PAM: variants seen among roughly 807,000 people sequenced by gnomAD.
PAM encodes peptidyl-glycine alpha-amidating monooxygenase.
In PAM, 72 loss-of-function variants were observed where a neutral mutation model predicts 122.1. That is an observed-to-expected ratio of 0.59 (90% confidence interval 0.49 to 0.72). The LOEUF is 0.72. Among genes scored for constraint, PAM ranks in the 30% least tolerant of loss-of-function variants. PAM has a pLI of 0.00. For missense variants in PAM, 1,106 were observed against 1,183.7 expected (o/e 0.93, Z 0.96); for synonymous variants, 389 against 404.4 (o/e 0.96, Z 0.46).
chr5:102,994,007 A>G (rs909221534), intron 16 of PAM, among the ~76,000 whole-genome samples: 5 of 152,102 alleles, frequency 3.3e-5, no homozygotes, highest in African/African-American at 1.2e-4. Flanking sequence ...ATCTGAAGCA[A>G]TGGGCTGACA....
chr5:102,806,608 G>C (rs1164516353), intron 1 of PAM, among the ~76,000 whole-genome samples: 2 of 152,076 alleles, frequency 1.3e-5, no homozygotes, highest in African/African-American at 2.4e-5. Flanking sequence ...CACACACACA[G>C]AGTTTTGTAC....
chr5:102,759,700 G>C (rs1480917926), intron 1 of PAM, among the ~76,000 whole-genome samples: 1 of 152,154 alleles, frequency 6.6e-6, no homozygotes, highest in Non-Finnish European at 1.5e-5. Context: ...AAGAAACTGA[G>C]AGGAGTTTAA....
Position 103,007,602 on chromosome 5 carries a change from A to G in PAM, c.2160A>G (p.Arg720=), listed in dbSNP as rs893395340. The G allele has an allele frequency of 6.2e-7, 1 of 1,613,582 alleles. No individual in the cohort carries two copies. Among genetic ancestry groups the G allele is most frequent in the Admixed American group, 1.7e-5 (1 of 60,004 alleles). ...CFKTDTKEFV[R]EIKHSSFGRN... is the part of the protein sequence containing the mutation. ...AAACTGACACCAAAGAATTTGTGAG[A>G]GAGATTAAGCATTCATCATTTGGAA... The change falls in exon 20 of 26, where the codon AGA becomes AGG. Residue 720 remains arginine (R), a synonymous_variant. Transcript: ENST00000438793.
chr5:102,898,959 G>A (rs190474616), intron 3 of PAM, among the ~76,000 whole-genome samples: 16 of 151,554 alleles, frequency 1.1e-4, no homozygotes, highest in Admixed American at 5.3e-4. Flanking sequence ...AATACCTACC[G>A]AATAGTGTTA....
chr5:102,901,076 TA>T (rs1797683124), intron 3 of PAM, among the ~76,000 whole-genome samples: 1 of 151,754 alleles, frequency 6.6e-6, no homozygotes, highest in African/African-American at 2.4e-5. Flanking sequence ...TAAAAGCATC[TA>T]AAAATTTGCC....
intron 15 of PAM, among the ~76,000 whole-genome samples, chr5:102,977,646 ACATGCATGTGCG>A (rs1277237291): frequency 1.4e-5 from 2 of 144,826 alleles, no homozygotes; most frequent in Non-Finnish European, 3.0e-5. Context: ...CCCAACACAC[ACATGCATGTGCG>A]CACACACACA....
At chr5:102,827,336 C>T (rs1224861346) in intron 1 of PAM, among the ~76,000 whole-genome samples, 2 of 152,132 alleles carry the variant, frequency 1.3e-5, no homozygotes, top group East Asian at 3.8e-4. Context: ...AATCCAAAAC[C>T]TGAAACCCTT....
intron 15 of PAM, among the ~76,000 whole-genome samples, chr5:102,985,096 G>C (rs999892581): frequency 1.6e-4 from 25 of 151,978 alleles, no homozygotes; most frequent in African/African-American, 6.0e-4. Context: ...GCTAAGAGGG[G>C]AGTTTGTAGC....
chr5:102,963,193 C>T (rs1763027898), intron 14 of PAM, among the ~76,000 whole-genome samples: 1 of 151,778 alleles, frequency 6.6e-6, no homozygotes, highest in Non-Finnish European at 1.5e-5. Flanking sequence ...ATGGGGACCA[C>T]CAGCCTAGAA....
At chr5:103,004,842 G>A (rs1778471181) in intron 17 of PAM, among the ~76,000 whole-genome samples, 2 of 152,222 alleles carry the variant, frequency 1.3e-5, no homozygotes, top group South Asian at 2.1e-4. Context: ...TAACACTTAT[G>A]ACCTCAGAAC....
chr5:102,994,980 G>C (rs569809685), intron 16 of PAM, among the ~76,000 whole-genome samples: 5 of 152,218 alleles, frequency 3.3e-5, no homozygotes, highest in Non-Finnish European at 5.9e-5. Flanking sequence ...CCTCCCCCCA[G>C]ATAGCTCACA....
chr5:102,951,594 C>T (rs1758912283), intron 12 of PAM, among the ~76,000 whole-genome samples: 1 of 152,044 alleles, frequency 6.6e-6, no homozygotes, highest in Non-Finnish European at 1.5e-5. Context: ...TGAAAATATG[C>T]TTTAGATGCC....
intron 14 of PAM, among the ~76,000 whole-genome samples, chr5:102,970,825 G>C (rs1377027612): frequency 6.6e-6 from 1 of 151,258 alleles, no homozygotes; most frequent in Admixed American, 6.6e-5. Context: ...TTTATTTTTT[G>C]AGACTGAGTC....
rs1785482257 is a variant in PAM at position 102,866,155 on chromosome 5, G to C, written c.-41G>C. 1 of 1,434,042 alleles carries C rather than the reference G, an allele frequency of 7.0e-7. No individual in the cohort carries two copies. Among genetic ancestry groups the C allele is most frequent in the Non-Finnish European group, 9.8e-7 (1 of 1,021,574 alleles). 88.8% of individuals were successfully genotyped at this position (1,434,042 alleles called of 1,614,324 possible). A position where few individuals can be genotyped will look rare whatever the true frequency, so the allele number is the denominator to read the frequency against. ...ACCGCCAGCCCCAGCCCCGCGCTGC[G>C]CTGCCCGGTCCTCTCCCGGCGGGGT... On this transcript the variant is annotated 5_prime_UTR_variant, in exon 2 of 26. Transcript: ENST00000438793.
intron 1 of PAM, among the ~76,000 whole-genome samples, chr5:102,784,274 C>T (rs1759897139): frequency 6.6e-6 from 1 of 152,184 alleles, no homozygotes; most frequent in Admixed American, 6.5e-5. Context: ...TCATACCAGC[C>T]TTTCTGTCCC....
At chr5:102,755,511 G>T (rs1200141464) in intron 1 of PAM, 163 bp downstream of exon 1, 1 of 146,720 alleles carries the variant, frequency 6.8e-6, no homozygotes, top group African/African-American at 2.5e-5. Flanking sequence ...CGGGGGTGGG[G>T]GGATGGGGCG....
rs758514869 is a variant in PAM at position 102,866,234 on chromosome 5, T to A, written c.39T>A (p.Val13=). 1.1e-5 allele frequency: 17 copies of A among 1,613,954 alleles called. No homozygotes were observed. The highest frequency in any genetic ancestry group is 1.4e-5 in the Non-Finnish European group (17 of 1,179,934). ...TCCCTAGCCTGCTAGTTCTCCTTGTTTTTCCAAGCAGCTGTTTGGCTTTCC... is the reference window on the plus strand; with the variant it reads ...TCCCTAGCCTGCTAGTTCTCCTTGTATTTCCAAGCAGCTGTTTGGCTTTCC... The part of the protein sequence containing the change: ...GRVPSLLVLL[V]FPSSCLAFRS... Residue 13 remains valine, a synonymous_variant, in exon 2 of 26, where the codon GTT becomes GTA. Transcript: ENST00000438793.
At chr5:102,886,997 C>A (rs1480388404) in intron 3 of PAM, among the ~76,000 whole-genome samples, 1 of 152,020 alleles carries the variant, frequency 6.6e-6, no homozygotes, top group Non-Finnish European at 1.5e-5. Context: ...AAAAGATTGT[C>A]TATCTTGTTA....
chr5:102,870,188 ACAT>A (rs1786933931), intron 3 of PAM, among the ~76,000 whole-genome samples: 2 of 152,124 alleles, frequency 1.3e-5, no homozygotes, highest in African/African-American at 4.8e-5. Flanking sequence ...GAATTGAGAG[ACAT>A]CATGTTGATT....
Sources: allele counts gnomAD v4.1 joint callset (sites outside exome capture counted in the v4.1 genomes callset), GRCh38; gene constraint gnomAD v4.1.1; transcripts MANE v1.5; gene names NCBI Gene and HGNC (gene_info 2026-07-23, HGNC 2026-07-21).